The following MEF2A variants were observed in gnomAD, a reference collection of about 807,000 sequenced individuals.
The protein encoded by MEF2A is myocyte-specific enhancer factor 2A.
A neutral mutation model predicts 55.8 loss-of-function variants in MEF2A; 28 were observed. The ratio of observed to expected loss-of-function variants is 0.50; its 90% CI spans 0.37 to 0.69. The LOEUF is 0.69. MEF2A is among the 30% of genes least tolerant of loss of function. The probability of loss-of-function intolerance (pLI) is 0.00; values close to 1 mark genes in which losing one functional copy is unlikely to be tolerated. For synonymous variants in MEF2A, 239 were observed against 227.1 expected (o/e 1.05, Z -0.47); for missense variants, 528 against 626.2 (o/e 0.84, Z 1.67).
chr15:99,688,503 A>G (rs2054734185), intron 7 of MEF2A, among the ~76,000 whole-genome samples: 1 of 152,180 alleles, frequency 6.6e-6, no homozygotes, highest in Non-Finnish European at 1.5e-5. Flanking sequence ...CATGCCTGTA[A>G]TCCCAGCACT....
chr15:99,695,298 A>G (rs2056259546), intron 8 of MEF2A, among the ~76,000 whole-genome samples: 1 of 152,212 alleles, frequency 6.6e-6, no homozygotes, highest in South Asian at 2.1e-4. Flanking sequence ...TTATTTGAAG[A>G]TGAACTCAAG....
intron 10 of MEF2A, among the ~76,000 whole-genome samples, chr15:99,708,949 T>C (rs916661158): frequency 2.6e-5 from 4 of 152,192 alleles, no homozygotes; most frequent in Non-Finnish European, 5.9e-5. Context: ...AGTAATGATT[T>C]GTAGACTATG....
At position 99,584,850 on chromosome 15, in the gene MEF2A, T is replaced by C. The variant is rs141200879; in HGVS notation, c.-224-13580T>C. On this transcript the variant is annotated intron_variant, in intron 1 of 11. Transcript: ENST00000557942. ...AAATGGGTGAATTGTATGTAAATTA[T>C]ATCTCAATAAAGCTACTTTCTTTTT... Among the ~76,000 whole-genome samples the C allele has an allele frequency of 3.0e-3, 457 of 152,360 alleles. 4 individuals carry two copies. Among genetic ancestry groups the C allele is most frequent in the African/African-American group, 0.01 (428 of 41,588 alleles).
intron 1 of MEF2A, among the ~76,000 whole-genome samples, chr15:99,593,944 T>G (rs1273320727): frequency 6.6e-6 from 1 of 152,234 alleles, no homozygotes; most frequent in East Asian, 1.9e-4. Context: ...ATTTTTTTTT[T>G]GTACTCTTTC....
chr15:99,695,606 T>C (rs946486952), intron 8 of MEF2A, among the ~76,000 whole-genome samples: 1 of 143,790 alleles, frequency 7.0e-6, no homozygotes, highest in African/African-American at 2.5e-5. Context: ...ATGCCTGTAA[T>C]CCCAGCACTT....
intron 2 of MEF2A, among the ~76,000 whole-genome samples, chr15:99,617,635 A>G (rs1196531341): frequency 6.6e-6 from 1 of 152,230 alleles, no homozygotes; most frequent in Non-Finnish European, 1.5e-5. Flanking sequence ...TCATATAATG[A>G]GAAGTACAGT....
At chr15:99,591,825 A>G (rs113909824) in intron 1 of MEF2A, among the ~76,000 whole-genome samples, 6 of 152,220 alleles carry the variant, frequency 3.9e-5, no homozygotes, top group African/African-American at 1.4e-4. Context: ...TAGAAAATGC[A>G]TTTTATTCTT....
At chr15:99,619,615 A>G (rs920816437) in intron 2 of MEF2A, among the ~76,000 whole-genome samples, 5 of 152,218 alleles carry the variant, frequency 3.3e-5, no homozygotes, top group Admixed American at 2.0e-4. Flanking sequence ...TTCAGATCAT[A>G]AATATTCACA....
intron 4 of MEF2A, among the ~76,000 whole-genome samples, chr15:99,654,997 C>T (rs1357271767): frequency 6.6e-6 from 1 of 152,134 alleles, no homozygotes; most frequent in Non-Finnish European, 1.5e-5. Context: ...AAAATTAATT[C>T]TAATTGTACT....
At chr15:99,665,573 T>C (rs988841465) in intron 4 of MEF2A, among the ~76,000 whole-genome samples, 2 of 151,690 alleles carry the variant, frequency 1.3e-5, no homozygotes, top group African/African-American at 4.8e-5. Context: ...AAAGCCAAAA[T>C]AGATAAATAG....
chr15:99,690,766 T>G (rs1461536033), intron 8 of MEF2A: 1 of 430,424 alleles, frequency 2.3e-6, no homozygotes, highest in African/African-American at 2.0e-5. Flanking sequence ...CTTGTGGAGA[T>G]AGAGAATAGA....
At chr15:99,684,682 CAGA>C (rs1426167034) in intron 7 of MEF2A, among the ~76,000 whole-genome samples, 1 of 152,130 alleles carries the variant, frequency 6.6e-6, no homozygotes, top group African/African-American at 2.4e-5. Flanking sequence ...TTTTGCTGTG[CAGA>C]AGGTTTTTAG....
chr15:99,644,332 A>G (rs1295829229), intron 3 of MEF2A, among the ~76,000 whole-genome samples: 2 of 152,244 alleles, frequency 1.3e-5, no homozygotes, highest in Non-Finnish European at 2.9e-5. Flanking sequence ...TAATTTTATC[A>G]TGCTACATAG....
Position 99,710,732 on chromosome 15 carries a change from C to G in MEF2A, c.1108C>G (p.Leu370Val). ...GQVSAWQQHH[L>V]GQAALSSLVA... ...GGTGTCGGCCTGGCAGCAGCACCAC[C>G]TAGGACAAGCAGCCCTCAGCTCTCT... Residue 370 changes from leucine to valine, a missense_variant, in exon 11 of 12, where the codon CTA (leucine) becomes GTA (valine). Leu to Val is a conservative substitution (Grantham distance 32). Around this residue, in one of 2 missense-constraint regions of MEF2A, gnomAD observed 450 missense variants for 475.3 expected, o/e 0.95. Transcript: ENST00000557942. The G allele has an allele frequency of 6.2e-7, 1 of 1,612,018 alleles. No homozygotes were observed. Among genetic ancestry groups the G allele is most frequent in the South Asian group, 1.1e-5 (1 of 91,016 alleles).
intron 8 of MEF2A, among the ~76,000 whole-genome samples, chr15:99,692,590 C>T (rs1225704413): frequency 6.6e-6 from 1 of 152,154 alleles, no homozygotes; most frequent in Non-Finnish European, 1.5e-5. Flanking sequence ...ACTGACAGAA[C>T]TGTGTGAAAC....
At chr15:99,687,435 CT>C (rs2054502700) in intron 7 of MEF2A, among the ~76,000 whole-genome samples, 1 of 151,998 alleles carries the variant, frequency 6.6e-6, no homozygotes. Context: ...TTCTTTTTGG[CT>C]TTATACTAGA....
At chr15:99,632,752 CATT>C (rs369729782) in intron 2 of MEF2A, among the ~76,000 whole-genome samples, 141 of 152,242 alleles carry the variant, frequency 9.3e-4, no homozygotes, top group Non-Finnish European at 1.5e-3. Flanking sequence ...AAACCTCAAA[CATT>C]ATTGTTGCAT....
intron 8 of MEF2A, among the ~76,000 whole-genome samples, chr15:99,693,357 A>C (rs891671920): frequency 1.2e-4 from 18 of 152,144 alleles, no homozygotes; most frequent in Admixed American, 7.9e-4. Context: ...GATTAGGAGT[A>C]ATATTTTAAA....
chr15:99,705,965 C>G (rs2153809314), intron 9 of MEF2A, among the ~76,000 whole-genome samples: 1 of 152,378 alleles, frequency 6.6e-6, no homozygotes, highest in African/African-American at 2.4e-5. Context: ...CGTACTCCTA[C>G]ACGTTAAGGA....
Sources: gnomAD v4.1 joint callset for allele counts (sites outside exome capture counted in the v4.1 genomes callset) on GRCh38, gnomAD v4.1.1 for gene constraint, gnomAD v4.1.1 regional missense constraint, MANE v1.5 for transcripts, NCBI Gene and HGNC (gene_info 2026-07-23, HGNC 2026-07-21) for gene names.